Variants in FBN2 observed in about 807,000 individuals in gnomAD.
FBN2 encodes fibrillin-2.
In FBN2, 105 loss-of-function variants were observed where a neutral mutation model predicts 355.6. That is an observed-to-expected ratio of 0.30 (90% CI 0.25 to 0.35). The LOEUF (loss-of-function observed/expected upper bound fraction) is 0.35. Among genes scored for constraint, FBN2 ranks in the 10% least tolerant of loss-of-function variants. The pLI, the probability that FBN2 is intolerant of heterozygous loss-of-function variation, is 1.00. For missense variants in FBN2, 3,280 were observed against 3,758.7 expected (o/e 0.87, Z 3.33); for synonymous variants, 1,350 against 1,301.2 (o/e 1.04, Z -0.81).
chr5:128,344,750 G>C (rs1751124368), intron 24 of FBN2, among the ~76,000 whole-genome samples: 1 of 150,920 alleles, frequency 6.6e-6, no homozygotes, highest in Non-Finnish European at 1.5e-5. Flanking sequence ...GCCCAGGCTG[G>C]AGTGCAATGG....
intron 5 of FBN2, among the ~76,000 whole-genome samples, chr5:128,498,154 A>C (rs1426772135): frequency 1.3e-5 from 2 of 152,110 alleles, no homozygotes; most frequent in Non-Finnish European, 2.9e-5. Context: ...GACCATTCAA[A>C]CCCAAACCAT....
Position 128,263,519 on chromosome 5 carries a change from A to G in FBN2, c.8098T>C (p.Ser2700Pro), listed in dbSNP as rs1160756542. Residue 2700 changes from serine to proline, a missense_variant, in exon 63 of 65, where the codon TCG becomes CCG. Physicochemically the swap from Ser to Pro is moderately conservative, Grantham distance 74. Around this residue, in one of 6 missense-constraint regions of FBN2, gnomAD observed 311 missense variants for 319.1 expected, o/e 0.97. Coordinates refer to ENST00000262464, the MANE Select transcript of FBN2 (RefSeq NM_001999.4). Reference sequence around the variant, plus strand: ...TAATTGCAGGGGTTCTTGGAGGACGAGCACTCATTCACGTCGTGGCAGGCA... The same window carrying G: ...TAATTGCAGGGGTTCTTGGAGGACGGGCACTCATTCACGTCGTGGCAGGCA... ...SSACHDVNEC[S>P]SSKNPCNYGC... 1 of 1,614,126 alleles carries G rather than the reference A, an allele frequency of 6.2e-7. No homozygotes were observed. Among genetic ancestry groups the G allele is most frequent in the African/African-American group, 1.3e-5 (1 of 75,036 alleles).
At chr5:128,417,623 T>C (rs537974692) in intron 7 of FBN2, among the ~76,000 whole-genome samples, 30 of 152,326 alleles carry the variant, frequency 2.0e-4, no homozygotes, top group African/African-American at 7.2e-4. Flanking sequence ...GTTTTCATCC[T>C]TCATTCTGCT....
At chr5:128,397,502 T>G (rs3805645) in intron 8 of FBN2, among the ~76,000 whole-genome samples, 2 of 152,154 alleles carry the variant, frequency 1.3e-5, no homozygotes, top group East Asian at 3.8e-4. Context: ...CATTCAAATA[T>G]TATTAATTGT....
At chr5:128,409,545 G>A (rs1205736977) in intron 7 of FBN2, among the ~76,000 whole-genome samples, 2 of 152,170 alleles carry the variant, frequency 1.3e-5, no homozygotes, top group Non-Finnish European at 2.9e-5. Flanking sequence ...TTCTCTTCTA[G>A]TTCAGTAAGC....
chr5:128,369,269 C>G lies in FBN2; in HGVS notation c.2161G>C (p.Gly721Arg), dbSNP rs149733159. The change falls in exon 16 of 65, where the codon GGT becomes CGT. Residue 721 changes from glycine to arginine, a missense_variant. This residue lies in a region of FBN2 where 2,284 missense variants were observed against 2,749.5 expected (regional missense o/e 0.83). Transcript: ENST00000262464. ...CAGCATTCGGACTTGGTCACTGCAC[C>G]GGGGAAAGGACGCACACACACTCCT... ...KKGVCVRPFP[G>R]AVTKSECCCA... 6.8e-5 allele frequency: 109 copies of G among 1,613,908 alleles called. No individual in the cohort carries two copies. The highest frequency in any genetic ancestry group is 8.8e-5 in the Non-Finnish European group (104 of 1,179,998).
At chr5:128,411,709 A>G (rs1427090560) in intron 7 of FBN2, among the ~76,000 whole-genome samples, 1 of 152,204 alleles carries the variant, frequency 6.6e-6, no homozygotes, top group East Asian at 1.9e-4. Context: ...CGGGCAGGAA[A>G]GCAGGAATTC....
intron 5 of FBN2, among the ~76,000 whole-genome samples, chr5:128,497,334 T>C (rs994394604): frequency 1.3e-5 from 2 of 152,204 alleles, no homozygotes; most frequent in Non-Finnish European, 1.5e-5. Context: ...GATTACACTT[T>C]CTTGGGCCAC....
intron 5 of FBN2, among the ~76,000 whole-genome samples, chr5:128,496,572 T>C (rs2127133492): frequency 6.6e-6 from 1 of 152,220 alleles, no homozygotes; most frequent in South Asian, 2.1e-4. Flanking sequence ...AAATACTTGT[T>C]ACGTTCCGCG....
At chr5:128,491,853 A>G (rs1755514425) in intron 5 of FBN2, among the ~76,000 whole-genome samples, 2 of 152,212 alleles carry the variant, frequency 1.3e-5, no homozygotes. Flanking sequence ...GTTTGGGGCA[A>G]TTAATGAAAG....
chr5:128,491,036 A>C (rs1382973446), intron 5 of FBN2, among the ~76,000 whole-genome samples: 1 of 149,630 alleles, frequency 6.7e-6, no homozygotes, highest in East Asian at 1.9e-4. Context: ...ATTTTTCCAA[A>C]TGTTTAACTT....
chr5:128,335,949 G>C, intron 28 of FBN2, 39 bp downstream of exon 28: 2 of 1,610,760 alleles, frequency 1.2e-6, no homozygotes, highest in Non-Finnish European at 1.7e-6. Context: ...AGGCTGATTT[G>C]AGACATATGA....
intron 5 of FBN2, among the ~76,000 whole-genome samples, chr5:128,507,670 G>C (rs893669775): frequency 6.6e-6 from 1 of 151,902 alleles, no homozygotes; most frequent in African/African-American, 2.4e-5. Flanking sequence ...CTTTTGAGTT[G>C]TTCATTATCT....
At chr5:128,384,278 G>A (rs1752311288) in intron 11 of FBN2, among the ~76,000 whole-genome samples, 1 of 152,170 alleles carries the variant, frequency 6.6e-6, no homozygotes, top group South Asian at 2.1e-4. Flanking sequence ...CTGGGGACAG[G>A]ATGGGGGCTG....
chr5:128,265,288 T>C (rs1476786782), intron 62 of FBN2, among the ~76,000 whole-genome samples: 1 of 152,202 alleles, frequency 6.6e-6, no homozygotes, highest in African/African-American at 2.4e-5. Context: ...GCCATGAATA[T>C]ACCATTAGAC....
At chr5:128,327,008 C>A (rs1174948535) in intron 34 of FBN2, among the ~76,000 whole-genome samples, 1 of 152,174 alleles carries the variant, frequency 6.6e-6, no homozygotes, top group Non-Finnish European at 1.5e-5. Context: ...TACTGCTGAC[C>A]TGTTCCTTCT....
chr5:128,408,423 G>A (rs372604826), intron 8 of FBN2, among the ~76,000 whole-genome samples: 40 of 152,110 alleles, frequency 2.6e-4, no homozygotes, highest in Non-Finnish European at 4.7e-4. Flanking sequence ...AATTTTTCTC[G>A]TGCCTTTGTG....
chr5:128,324,103 G>A (rs1245742163), intron 34 of FBN2, among the ~76,000 whole-genome samples: 1 of 152,090 alleles, frequency 6.6e-6, no homozygotes, highest in Non-Finnish European at 1.5e-5. Context: ...TTCTCTGATG[G>A]TAGTTTATAT....
intron 5 of FBN2, among the ~76,000 whole-genome samples, chr5:128,497,525 A>T (rs533490734): frequency 6.6e-6 from 1 of 152,350 alleles, no homozygotes; most frequent in South Asian, 2.1e-4. Context: ...GGCCTGAACC[A>T]TCCAGAACCA....
Sources: allele counts gnomAD v4.1 joint callset (sites outside exome capture counted in the v4.1 genomes callset), GRCh38; gene constraint gnomAD v4.1.1; regional missense constraint gnomAD v4.1.1; transcripts MANE v1.5; gene names NCBI Gene and HGNC (gene_info 2026-07-23, HGNC 2026-07-21).